TECTA: variants seen among roughly 807,000 people sequenced by gnomAD.
TECTA encodes alpha-tectorin.
A neutral mutation model predicts 216.8 loss-of-function variants in TECTA; 128 were observed. The ratio of observed to expected loss-of-function variants is 0.59; its 90% confidence interval spans 0.51 to 0.68. The LOEUF (loss-of-function observed/expected upper bound fraction) is 0.68, where lower values mean the gene tolerates loss of function less well. Among genes scored for constraint, TECTA ranks in the 30% least tolerant of loss-of-function variants. TECTA has a pLI of 0.00. For synonymous variants in TECTA, 1,089 were observed against 1,117.1 expected, an observed-to-expected ratio of 0.97 and a Z score of 0.50; for missense variants, 2,551 against 2,786.2, an observed-to-expected ratio of 0.92 and a Z score of 1.90.
chr11:121,141,968 G>C (rs1183860467), intron 11 of TECTA, among the ~76,000 whole-genome samples: 2 of 152,204 alleles, frequency 1.3e-5, no homozygotes, highest in African/African-American at 2.4e-5. Context: ...AATCAGCCAG[G>C]AGAACCTTAG....
chr11:121,128,320 A>G lies in TECTA; in HGVS notation c.2343A>G (p.Gly781=). 6.3e-7 allele frequency: 1 copy of G among 1,599,630 alleles called. No homozygotes were observed. Among genetic ancestry groups the G allele is most frequent in the Middle Eastern group, 1.7e-4 (1 of 6,060 alleles). ...ILVADQEVKI[G]GIGASEVKLN... The stretch of plus-strand genomic sequence containing the variant: ...TGGCCGACCAGGAGGTCAAGATAGG[A>G]GGCATCGGGGCTTCGGAAGTCAAGG... Residue 781 remains glycine (G), a synonymous_variant, in exon 9 of 24, where the codon GGA becomes GGG. Transcript: ENST00000392793.
chr11:121,124,818 C>T (rs1330791504), intron 7 of TECTA, among the ~76,000 whole-genome samples: 1 of 152,146 alleles, frequency 6.6e-6, no homozygotes, highest in African/African-American at 2.4e-5. Flanking sequence ...AGCCTCAAAG[C>T]TAAATGGTGT....
chr11:121,134,808 A>G (rs1946710160), intron 10 of TECTA, among the ~76,000 whole-genome samples: 1 of 152,178 alleles, frequency 6.6e-6, no homozygotes, highest in African/African-American at 2.4e-5. Flanking sequence ...TTTGTGCTGC[A>G]TGGAGCACAG....
At chr11:121,162,493 G>T in intron 16 of TECTA, 123 bp downstream of exon 16, 1 of 1,310,534 alleles carries the variant, frequency 7.6e-7, no homozygotes, top group Non-Finnish European at 1.1e-6. Flanking sequence ...CTGCTTCCAG[G>T]ATTGGATAGT....
chr11:121,111,725 C>T (rs887723283), intron 4 of TECTA, among the ~76,000 whole-genome samples: 4 of 152,202 alleles, frequency 2.6e-5, no homozygotes, highest in Non-Finnish European at 5.9e-5. Context: ...GCCCCTGTCC[C>T]TTGAACAAGA....
In TECTA at chr11:121,130,081, C is replaced by T; in HGVS notation, c.2811C>T (p.Arg937=). 1.9e-6 allele frequency: 3 copies of T among 1,614,046 alleles called. No individual in the cohort carries two copies. Among genetic ancestry groups the T allele is most frequent in the Non-Finnish European group, 2.5e-6 (3 of 1,180,026 alleles). ...HGVVNVTAYY[R]TCLFRLCQSG... is the part of the protein sequence containing the mutation. ...TGGTGAACGTCACTGCCTATTACCG[C>T]ACCTGCCTTTTCCGCCTGTGCCAGA... The change falls in exon 10 of 24, where the codon CGC becomes CGT. Residue 937 remains arginine, a synonymous_variant. Coordinates refer to ENST00000392793, the MANE Select transcript of TECTA (RefSeq NM_005422.4).
At chr11:121,134,345 A>G (rs1458607150) in intron 10 of TECTA, among the ~76,000 whole-genome samples, 2 of 151,798 alleles carry the variant, frequency 1.3e-5, no homozygotes, top group African/African-American at 4.8e-5. Flanking sequence ...ACACACACAC[A>G]CACGCACACA....
At chr11:121,152,011 T>C (rs1201207304) in intron 12 of TECTA, among the ~76,000 whole-genome samples, 2 of 152,224 alleles carry the variant, frequency 1.3e-5, no homozygotes, top group African/African-American at 4.8e-5. Flanking sequence ...TCCTTTGCAA[T>C]CAGCCATGAA....
intron 15 of TECTA, among the ~76,000 whole-genome samples, chr11:121,161,525 CCCTCCTT>C (rs1946997849): frequency 1.4e-5 from 2 of 141,700 alleles, no homozygotes; most frequent in African/African-American, 2.6e-5. Context: ...CTGCCTCCCT[CCCTCCTT>C]CCCTCCCTCC....
At chr11:121,152,141 T>TGTG (rs1946896357) in intron 12 of TECTA, among the ~76,000 whole-genome samples, 1 of 152,250 alleles carries the variant, frequency 6.6e-6, no homozygotes, top group African/African-American at 2.4e-5. Context: ...GGACCCTACC[T>TGTG]GCCTTCTATA....
At position 121,118,468 on chromosome 11, in the gene TECTA, A is replaced by G; in HGVS notation, c.953A>G (p.Glu318Gly). The G allele has an allele frequency of 1.2e-6, 2 of 1,614,228 alleles. No individual in the cohort carries two copies. Among genetic ancestry groups the G allele is most frequent in the Non-Finnish European group, 1.7e-6 (2 of 1,180,038 alleles). Residue 318 changes from glutamate (E) to glycine (G), a missense_variant, in exon 7 of 24, where the codon GAG becomes GGG. Around this residue, in one of 3 missense-constraint regions of TECTA, gnomAD observed 2,375 missense variants for 2,563.9 expected, o/e 0.93. Coordinates refer to ENST00000392793, the MANE Select transcript of TECTA (RefSeq NM_005422.4). ...KGKFFYCSAV[E>G]TSTCVVFGEP... The stretch of plus-strand genomic sequence containing the variant: ...AAATTCTTCTACTGCAGCGCTGTGG[A>G]GACCAGCACATGCGTGGTGTTTGGG...
chr11:121,152,084 C>T (rs972453032), intron 12 of TECTA, among the ~76,000 whole-genome samples: 13 of 152,236 alleles, frequency 8.5e-5, no homozygotes, highest in African/African-American at 1.7e-4. Context: ...GCCCGAGTGA[C>T]GCTCTGGGTC....
rs765951860 is a variant in TECTA at position 121,137,930 on chromosome 11, G to A, written c.3451G>A (p.Asp1151Asn). 2.5e-5 allele frequency: 41 copies of A among 1,608,924 alleles called. No individual in the cohort carries two copies. The highest frequency in any genetic ancestry group is 1.6e-4 in the Middle Eastern group (1 of 6,070). The change falls in exon 11 of 24, where the codon GAC becomes AAC. Residue 1151 changes from aspartate to asparagine, a missense_variant. By Grantham distance (23) the Asp-to-Asn change is conservative (BLOSUM62 1). Coordinates refer to ENST00000392793, the MANE Select transcript of TECTA (RefSeq NM_005422.4). Reference sequence around the variant, plus strand: ...TGTCACAGCCAAGAATGAGGACCGGGACCCGTCACTGGCCTTGTGGGTTAA... The same window carrying A: ...TGTCACAGCCAAGAATGAGGACCGGAACCCGTCACTGGCCTTGTGGGTTAA... ...FVVTAKNEDR[D>N]PSLALWVKQV...
At chr11:121,140,841 C>T (rs1336230036) in intron 11 of TECTA, 1 of 152,262 alleles carries the variant, frequency 6.6e-6, no homozygotes, top group Non-Finnish European at 1.5e-5. Context: ...GTTAGCCCCA[C>T]CTAATCCAGT....
Position 121,160,418 on chromosome 11 carries a change from A to C in TECTA, c.4973A>C (p.Lys1658Thr), listed in dbSNP as rs753809721. Residue 1658 changes from lysine to threonine, a missense_variant, in exon 15 of 24, where the codon AAG (lysine) becomes ACG (threonine). By Grantham distance (78) the Lys-to-Thr change is moderately conservative. Around this residue, in one of 3 missense-constraint regions of TECTA, gnomAD observed 2,375 missense variants for 2,563.9 expected, o/e 0.93. Coordinates refer to ENST00000392793, the MANE Select transcript of TECTA (RefSeq NM_005422.4). ...AGCTGGAAAACCAATGGCATGCAGA[A>C]GAGGTGAGGGTGTAGGAGTTCAAGC... ...AQSWKTNGMQKRPLAPSCNEL... is the reference protein window; with the variant it reads ...AQSWKTNGMQTRPLAPSCNEL... The C allele has an allele frequency of 2.5e-6, 4 of 1,610,130 alleles. No individual in the cohort carries two copies. The highest frequency in any genetic ancestry group is 3.4e-6 in the Non-Finnish European group (4 of 1,179,814).
intron 14 of TECTA, 96 bp downstream of exon 14, chr11:121,158,320 A>G: frequency 6.6e-7 from 1 of 1,517,114 alleles, no homozygotes. Flanking sequence ...AAGTTGTAGG[A>G]TAGATTGTTG....
rs113692281 is a variant in TECTA at position 121,118,218 on chromosome 11, G to A, written c.791-88G>A. ...ACAGGGTTCTTACGTGGATTAAATG[G>A]TATAATGGAAGTAAAGCATTTAGCC... On this transcript the variant is annotated intron_variant, in intron 6 of 23. Transcript: ENST00000392793. 38 of 1,527,780 alleles carry A rather than the reference G, an allele frequency of 2.5e-5. 1 individual carries two copies. The highest frequency in any genetic ancestry group is 1.9e-4 in the African/African-American group (14 of 73,516). 94.6% of individuals were successfully genotyped at this position (1,527,780 alleles called of 1,614,324 possible).
intron 20 of TECTA, among the ~76,000 whole-genome samples, chr11:121,186,018 T>C (rs1448530238): frequency 1.1e-5 from 1 of 89,576 alleles, no homozygotes; most frequent in Non-Finnish European, 2.1e-5. Flanking sequence ...AGATGTTCAA[T>C]GCTTAATGAA....
rs1947337824 is a variant in TECTA at position 121,191,278 on chromosome 11, G to A, written c.*472G>A. 1 of 238,246 alleles carries A rather than the reference G, an allele frequency of 4.2e-6. No individual in the cohort carries two copies. Among genetic ancestry groups the A allele is most frequent in the Admixed American group, 5.2e-5 (1 of 19,314 alleles). 14.8% of individuals were successfully genotyped at this position (238,246 alleles called of 1,614,324 possible). On this transcript the variant is annotated 3_prime_UTR_variant, in exon 24 of 24. Coordinates refer to ENST00000392793, the MANE Select transcript of TECTA (RefSeq NM_005422.4). ...TGGTGTTTGGAAGTGTCCGATCTAC[G>A]TTATGCACGTGTTCTGTCTATGAGG...
Sources: allele counts gnomAD v4.1 joint callset (sites outside exome capture counted in the v4.1 genomes callset), GRCh38; gene constraint gnomAD v4.1.1; regional missense constraint gnomAD v4.1.1; transcripts MANE v1.5; gene names NCBI Gene and HGNC (gene_info 2026-07-23, HGNC 2026-07-21).